The following NCALD variants were observed in gnomAD, a reference collection of about 807,000 sequenced individuals.
The protein encoded by NCALD is neurocalcin delta.
Under a neutral mutation model 18.6 loss-of-function variants are expected in NCALD, and 10 were observed. The observed-to-expected ratio is 0.54, with a 90% CI of 0.33 to 0.91. The LOEUF (loss-of-function observed/expected upper bound fraction) is 0.91. Among genes scored for constraint, NCALD ranks in the 40% least tolerant of loss-of-function variants. The pLI is 0.03. For missense variants in NCALD, 184 were observed against 247.6 expected (o/e 0.74, Z 1.72); for synonymous variants, 88 against 87.4 (o/e 1.01, Z -0.04).
chr8:101,831,229 A>G (rs552011515), intron 4 of NCALD, among the ~76,000 whole-genome samples: 2 of 152,304 alleles, frequency 1.3e-5, no homozygotes, highest in South Asian at 4.1e-4. Flanking sequence ...GTGAAATAGC[A>G]TGAACCCTGG....
At chr8:101,763,967 C>CCTCTCT (rs1563744178) in intron 1 of NCALD, among the ~76,000 whole-genome samples, 445 of 7,066 alleles carry the variant, frequency 0.063, 11 homozygotes, top group South Asian at 0.26. Flanking sequence ...TCTCTCTCTC[C>CCTCTCT]ACACACACAC....
intron 4 of NCALD, among the ~76,000 whole-genome samples, chr8:101,853,094 C>T (rs754762988): frequency 1.3e-5 from 2 of 152,160 alleles, no homozygotes; most frequent in Non-Finnish European, 2.9e-5. Flanking sequence ...CATTTCACTT[C>T]TCTTTGCTTC....
chr8:101,726,654 A>G (rs749436751), intron 1 of NCALD, among the ~76,000 whole-genome samples: 1 of 152,170 alleles, frequency 6.6e-6, no homozygotes, highest in Non-Finnish European at 1.5e-5. Context: ...TAACCCTGAG[A>G]TGCCTATTAC....
chr8:102,032,622 T>TTAA (rs780313669), intron 1 of NCALD, among the ~76,000 whole-genome samples: 1 of 104,988 alleles, frequency 9.5e-6, no homozygotes, highest in Non-Finnish European at 1.8e-5. Flanking sequence ...GAAAAACTGC[T>TTAA]AAAAAAAAAA....
At chr8:102,049,686 C>T (rs1406560129) in intron 1 of NCALD, among the ~76,000 whole-genome samples, 1 of 152,208 alleles carries the variant, frequency 6.6e-6, no homozygotes, top group Non-Finnish European at 1.5e-5. Flanking sequence ...TGTTGTTCCA[C>T]ATCCTCACCA....
At chr8:101,919,023 C>A (rs1039805575) in intron 2 of NCALD, among the ~76,000 whole-genome samples, 1 of 151,980 alleles carries the variant, frequency 6.6e-6, no homozygotes, top group East Asian at 1.9e-4. Context: ...GAACCAAATT[C>A]TATAATTCTA....
intron 2 of NCALD, among the ~76,000 whole-genome samples, chr8:101,961,412 C>G: frequency 6.6e-6 from 1 of 152,262 alleles, no homozygotes; most frequent in Admixed American, 6.5e-5. Context: ...GAGTATTTCT[C>G]AGGTATCTTC....
At chr8:102,060,213 C>T (rs1823797590) in intron 1 of NCALD, among the ~76,000 whole-genome samples, 1 of 135,580 alleles carries the variant, frequency 7.4e-6, no homozygotes, top group Non-Finnish European at 1.5e-5. Flanking sequence ...GATCTCCTGA[C>T]CTTGTGATCT....
chr8:101,988,154 CA>C (rs141735735), intron 2 of NCALD, among the ~76,000 whole-genome samples: 20 of 37,174 alleles, frequency 5.4e-4, no homozygotes, highest in African/African-American at 6.9e-4. Flanking sequence ...GACTCCGTCT[CA>C]AAAAAAAAAA....
intron 1 of NCALD, among the ~76,000 whole-genome samples, chr8:102,063,422 T>C (rs2132266661): frequency 6.6e-6 from 1 of 152,256 alleles, no homozygotes; most frequent in South Asian, 2.1e-4. Context: ...CGACCAATGC[T>C]CCAGAAAATC....
At chr8:101,851,227 G>A (rs745728065) in intron 4 of NCALD, among the ~76,000 whole-genome samples, 9 of 152,058 alleles carry the variant, frequency 5.9e-5, no homozygotes, top group Non-Finnish European at 1.0e-4. Context: ...TTTCTGTAAG[G>A]AAGAAAGGGA....
intron 2 of NCALD, among the ~76,000 whole-genome samples, chr8:102,005,913 G>A (rs897879717): frequency 6.6e-6 from 1 of 151,622 alleles, no homozygotes; most frequent in South Asian, 2.1e-4. Flanking sequence ...ATAGCATTAG[G>A]AGATATACCT....
rs1487379204 is a variant in NCALD at position 101,965,608 on chromosome 8, C to G, written c.-156-49750G>C. Among the ~76,000 whole-genome samples, 12 of 151,986 alleles carry G rather than the reference C, an allele frequency of 7.9e-5. 1 individual carries two copies. Among genetic ancestry groups the G allele is most frequent in the Admixed American group, 7.9e-4 (12 of 15,250 alleles). Reference sequence around the variant, plus strand: ...GGAGGGGAACATCACACACCAGGACCTGTTGTGGGGTGGGGGGCCAGGGGA... The same window carrying G: ...GGAGGGGAACATCACACACCAGGACGTGTTGTGGGGTGGGGGGCCAGGGGA... On this transcript the variant is annotated intron_variant, in intron 2 of 6. Transcript: ENST00000311028.
intron 2 of NCALD, among the ~76,000 whole-genome samples, chr8:101,977,312 G>T: frequency 6.6e-6 from 1 of 151,252 alleles, no homozygotes; most frequent in African/African-American, 2.4e-5. Flanking sequence ...TTCTATTTTT[G>T]TCCTAAACTA....
At chr8:101,722,115 C>T (rs1816387245) in intron 1 of NCALD, among the ~76,000 whole-genome samples, 1 of 152,180 alleles carries the variant, frequency 6.6e-6, no homozygotes, top group Admixed American at 6.5e-5. Context: ...AGGCATGAGC[C>T]ACCACGCTTG....
chr8:101,907,236 G>A (rs1172027438), intron 3 of NCALD, among the ~76,000 whole-genome samples: 3 of 152,042 alleles, frequency 2.0e-5, no homozygotes, highest in African/African-American at 4.8e-5. Flanking sequence ...CATCATCATC[G>A]TCAACATCTA....
chr8:101,704,372 T>C (rs1209424023), intron 2 of NCALD, among the ~76,000 whole-genome samples: 5 of 151,982 alleles, frequency 3.3e-5, no homozygotes, highest in African/African-American at 1.2e-4. Context: ...TGCATAGGAC[T>C]GGGGTGTGGG....
At chr8:101,775,534 C>T (rs959009150) in intron 1 of NCALD, among the ~76,000 whole-genome samples, 5 of 152,176 alleles carry the variant, frequency 3.3e-5, no homozygotes, top group South Asian at 2.1e-4. Flanking sequence ...TTCAACCACA[C>T]TGCTGTGGCT....
chr8:101,778,974 G>A (rs540971750), intron 1 of NCALD, among the ~76,000 whole-genome samples: 1 of 152,226 alleles, frequency 6.6e-6, no homozygotes, highest in Admixed American at 6.5e-5. Context: ...GGAGAGGGAT[G>A]GGGGATGGAG....
Sources: gnomAD v4.1 joint callset for allele counts (sites outside exome capture counted in the v4.1 genomes callset) on GRCh38, gnomAD v4.1.1 for gene constraint, MANE v1.5 for transcripts, NCBI Gene and HGNC (gene_info 2026-07-23, HGNC 2026-07-21) for gene names.